The following RAVER2 variants were observed in gnomAD, a reference collection of about 807,000 sequenced individuals.
RAVER2 encodes ribonucleoprotein PTB-binding 2.
RAVER2 carries 46 observed loss-of-function variants against 78.1 expected under a neutral mutation model. That is an observed-to-expected ratio of 0.59 (90% CI 0.46 to 0.75). The LOEUF (loss-of-function observed/expected upper bound fraction) is 0.75, where lower values mean the gene tolerates loss of function less well. Among genes scored for constraint, RAVER2 ranks in the 30% least tolerant of loss-of-function variants. The probability of loss-of-function intolerance (pLI) is 0.00; values close to 1 mark genes in which losing one functional copy is unlikely to be tolerated. For synonymous variants in RAVER2, 311 were observed against 313.3 expected, an observed-to-expected ratio of 0.99 and a Z score of 0.08; for missense variants, 793 against 837.5, an observed-to-expected ratio of 0.95 and a Z score of 0.66.
intron 2 of RAVER2, among the ~76,000 whole-genome samples, chr1:64,773,899 T>C (rs1440757794): frequency 6.6e-6 from 1 of 152,216 alleles, no homozygotes; most frequent in Non-Finnish European, 1.5e-5. Context: ...GGTATCTCAT[T>C]GTGGTTTTGA....
Position 64,789,520 on chromosome 1 carries a change from G to A in RAVER2, c.1105+6G>A, listed in dbSNP as rs1652878068. 6.3e-7 allele frequency: 1 copy of A among 1,593,940 alleles called. No individual in the cohort carries two copies. The highest frequency in any genetic ancestry group is 8.5e-7 in the Non-Finnish European group (1 of 1,170,400). On this transcript the variant is annotated splice_donor_region_variant and intron_variant, in intron 5 of 11. Coordinates refer to ENST00000294428, the Ensembl canonical transcript of RAVER2. ...TGGACGAGCTGTTAAACCAGGTATG[G>A]ACCATGTATGTATACTGATTAATTA...
Position 64,795,798 on chromosome 1 carries a change from C to G in RAVER2, c.1105+6284C>G, listed in dbSNP as rs148352332. Reference sequence around the variant, plus strand: ...AACATGTATGGCTTCTATTTTTTTCCTTGCTTTTTTGCATTAGATAGAAAT... The same window carrying G: ...AACATGTATGGCTTCTATTTTTTTCGTTGCTTTTTTGCATTAGATAGAAAT... On this transcript the variant is annotated intron_variant, in intron 5 of 11. Transcript: ENST00000294428. Among the ~76,000 whole-genome samples the G allele has an allele frequency of 7.1e-3, 1,084 of 151,670 alleles. 9 individuals carry two copies. The highest frequency in any genetic ancestry group is 9.7e-3 in the Non-Finnish European group (656 of 67,766).
intron 2 of RAVER2, among the ~76,000 whole-genome samples, chr1:64,771,985 A>C (rs1652333047): frequency 6.6e-6 from 1 of 152,270 alleles, no homozygotes; most frequent in African/African-American, 2.4e-5. Flanking sequence ...GTTTTGGCAC[A>C]TGCTTGCCTT....
At chr1:64,802,371 C>A (rs1016656732) in intron 5 of RAVER2, among the ~76,000 whole-genome samples, 1 of 152,168 alleles carries the variant, frequency 6.6e-6, no homozygotes, top group African/African-American at 2.4e-5. Context: ...TGACACCCCC[C>A]ACCTGCTCCC....
At chr1:64,826,822 A>T (rs1654013962) in intron 11 of RAVER2, among the ~76,000 whole-genome samples, 1 of 152,204 alleles carries the variant, frequency 6.6e-6, no homozygotes, top group Non-Finnish European at 1.5e-5. Flanking sequence ...AGGCAGTGAC[A>T]TGTGGCTGGA....
chr1:64,809,029 G>A (rs1570574878), intron 9 of RAVER2, among the ~76,000 whole-genome samples: 1 of 152,066 alleles, frequency 6.6e-6, no homozygotes, highest in Non-Finnish European at 1.5e-5. Context: ...CAGGAGAAAT[G>A]GATATATGGA....
At chr1:64,824,934 A>C (rs1356639334) in intron 11 of RAVER2, among the ~76,000 whole-genome samples, 2 of 28,470 alleles carry the variant, frequency 7.0e-5, no homozygotes, top group Admixed American at 9.8e-4. Flanking sequence ...CTGTCTCCCA[A>C]AAAAAAAAAA....
At chr1:64,772,967 G>A (rs1370291260) in intron 2 of RAVER2, among the ~76,000 whole-genome samples, 2 of 152,078 alleles carry the variant, frequency 1.3e-5, no homozygotes, top group African/African-American at 4.8e-5. Context: ...CTGTTTTTTA[G>A]AGATCACTTT....
intron 1 of RAVER2, among the ~76,000 whole-genome samples, chr1:64,764,170 G>A (rs1025479361): frequency 6.6e-6 from 1 of 151,964 alleles, no homozygotes; most frequent in African/African-American, 2.4e-5. Flanking sequence ...GCTTTATTTA[G>A]GACAGTATAA....
intron 2 of RAVER2, among the ~76,000 whole-genome samples, chr1:64,771,869 T>C (rs1652329154): frequency 8.7e-6 from 1 of 114,760 alleles, no homozygotes; most frequent in African/African-American, 5.2e-5. Flanking sequence ...AATTAATAAC[T>C]CAGTTGATAA....
At chr1:64,799,107 C>CAA (rs1653185532) in intron 5 of RAVER2, among the ~76,000 whole-genome samples, 5 of 152,208 alleles carry the variant, frequency 3.3e-5, no homozygotes, top group African/African-American at 1.2e-4. Flanking sequence ...TCTTCCCAGA[C>CAA]TCTAATAACC....
chr1:64,793,281 C>G (rs776382800), intron 5 of RAVER2, among the ~76,000 whole-genome samples: 2 of 152,152 alleles, frequency 1.3e-5, no homozygotes, highest in Non-Finnish European at 2.9e-5. Flanking sequence ...AAACAACTGA[C>G]ATATATTATA....
At chr1:64,757,665 A>G (rs535484896) in intron 1 of RAVER2, among the ~76,000 whole-genome samples, 1 of 152,282 alleles carries the variant, frequency 6.6e-6, no homozygotes, top group East Asian at 1.9e-4. Flanking sequence ...TTAGGGGGAA[A>G]ATGCTACCTA....
chr1:64,769,123 A>G (rs1652250158), intron 2 of RAVER2, among the ~76,000 whole-genome samples: 1 of 152,002 alleles, frequency 6.6e-6, no homozygotes, highest in Non-Finnish European at 1.5e-5. Flanking sequence ...AAAAAACTAG[A>G]TTATTTCCTT....
chr1:64,827,907 A>G (rs1654038162), intron 11 of RAVER2, among the ~76,000 whole-genome samples: 1 of 152,172 alleles, frequency 6.6e-6, no homozygotes, highest in South Asian at 2.1e-4. Flanking sequence ...TACAGTCCTT[A>G]GCCTGGCGTT....
At chr1:64,823,330 G>A (rs1014912194) in intron 11 of RAVER2, among the ~76,000 whole-genome samples, 6 of 152,122 alleles carry the variant, frequency 3.9e-5, no homozygotes, top group Non-Finnish European at 8.8e-5. Context: ...TCTCTAGTCA[G>A]TTGTAATAAT....
At chr1:64,821,063 C>T (rs1469890045) in intron 11 of RAVER2, among the ~76,000 whole-genome samples, 4 of 152,210 alleles carry the variant, frequency 2.6e-5, no homozygotes, top group Non-Finnish European at 4.4e-5. Context: ...ACCTCGCCAG[C>T]ATCTGCTATT....
intron 4 of RAVER2, among the ~76,000 whole-genome samples, chr1:64,782,194 G>A (rs1032362625): frequency 1.2e-4 from 19 of 152,162 alleles, no homozygotes; most frequent in African/African-American, 2.4e-4. Flanking sequence ...GTGAGCCACC[G>A]CACCCAGCCG....
chr1:64,745,344 CTGCAGCGGA>C lies in RAVER2; in HGVS notation c.181_189del (p.Met61_Arg63del). 1 of 1,541,468 alleles carries C rather than the reference CTGCAGCGGA, an allele frequency of 6.5e-7. No homozygotes were observed. Among genetic ancestry groups the C allele is most frequent in the Non-Finnish European group, 8.7e-7 (1 of 1,142,962 alleles). On this transcript the variant is annotated inframe_deletion, in exon 1 of 12. Transcript: ENST00000294428. The surrounding 1 kb of genome is among the most constrained non-coding windows in gnomAD (Gnocchi z 4.3). ...GCACCCTGAGGAGGTCGCCGCGCGACTGCAGCGGATGCAGCGGGAGCTGAGCAACCGCAG... is the reference window on the plus strand; with the variant it reads ...GCACCCTGAGGAGGTCGCCGCGCGACTGCAGCGGGAGCTGAGCAACCGCAG...
Sources: allele counts gnomAD v4.1 joint callset (sites outside exome capture counted in the v4.1 genomes callset), GRCh38; gene constraint gnomAD v4.1.1; non-coding constraint Gnocchi (gnomAD v3.1); transcripts MANE v1.5; gene names NCBI Gene and HGNC (gene_info 2026-07-23, HGNC 2026-07-21).